THSD7B: variants seen among roughly 807,000 people sequenced by gnomAD.
The protein encoded by THSD7B is thrombospondin type 1 domain containing 7B, also known as thrombospondin type-1 domain-containing protein 7B.
Under a neutral mutation model 213.6 loss-of-function variants are expected in THSD7B, and 138 were observed. The ratio of observed to expected loss-of-function variants is 0.65; its 90% CI spans 0.56 to 0.74. The LOEUF (loss-of-function observed/expected upper bound fraction) is 0.74. Among genes scored for constraint, THSD7B ranks in the 30% least tolerant of loss-of-function variants. The pLI, the probability that THSD7B is intolerant of heterozygous loss-of-function variation, is 0.00. For missense variants in THSD7B, 1,931 were observed against 1,991.5 expected (o/e 0.97, Z 0.58); for synonymous variants, 742 against 687.0 (o/e 1.08, Z -1.25).
chr2:137,546,164 C>T (rs570206709), intron 15 of THSD7B, among the ~76,000 whole-genome samples: 44 of 148,460 alleles, frequency 3.0e-4, no homozygotes, highest in Non-Finnish European at 3.3e-4. Flanking sequence ...AATCTAGACA[C>T]TATACATTAT....
chr2:137,676,769 C>A lies in THSD7B; in HGVS notation c.*164C>A. 1 of 571,678 alleles carries A rather than the reference C, an allele frequency of 1.7e-6. No homozygotes were observed. The highest frequency in any genetic ancestry group is 2.8e-6 in the Non-Finnish European group (1 of 362,878). 35.4% of individuals were successfully genotyped at this position (571,678 alleles called of 1,614,324 possible). On this transcript the variant is annotated 3_prime_UTR_variant, in exon 28 of 28. Coordinates refer to ENST00000409968, the MANE Select transcript of THSD7B (RefSeq NM_001316349.2). Reference sequence around the variant, plus strand: ...CCTCAACTTCATTTGGACATGGAGTCAAGGATTATTAGGTCTGCCATTTTG... The same window carrying A: ...CCTCAACTTCATTTGGACATGGAGTAAAGGATTATTAGGTCTGCCATTTTG...
At chr2:137,542,752 A>G (rs796359852) in intron 15 of THSD7B, among the ~76,000 whole-genome samples, 4 of 151,866 alleles carry the variant, frequency 2.6e-5, no homozygotes, top group African/African-American at 9.6e-5. Flanking sequence ...ACTGACTTAC[A>G]CTTTTTCATT....
At chr2:137,509,353 T>A (rs146350554) in intron 15 of THSD7B, among the ~76,000 whole-genome samples, 3 of 151,540 alleles carry the variant, frequency 2.0e-5, no homozygotes, top group Non-Finnish European at 4.4e-5. Flanking sequence ...TCTTTCTTTC[T>A]CCTTCCTTCC....
At chr2:136,873,703 T>G (rs941959242) in intron 1 of THSD7B, among the ~76,000 whole-genome samples, 1 of 152,116 alleles carries the variant, frequency 6.6e-6, no homozygotes, top group East Asian at 1.9e-4. Context: ...ACAATGACAA[T>G]AGTAATAATG....
At chr2:137,200,441 T>C (rs1487483321) in intron 7 of THSD7B, among the ~76,000 whole-genome samples, 4 of 152,198 alleles carry the variant, frequency 2.6e-5, no homozygotes, top group Admixed American at 2.6e-4. Context: ...AAGTATTTTT[T>C]TTAATGAGTT....
At chr2:137,292,219 C>T (rs1683354246) in intron 12 of THSD7B, among the ~76,000 whole-genome samples, 1 of 152,148 alleles carries the variant, frequency 6.6e-6, no homozygotes, top group South Asian at 2.1e-4. Flanking sequence ...TTGCTAATAA[C>T]ATAAGCTAAT....
rs927247610 is a variant in THSD7B, at chr2:136,845,836, T to C, written c.-35-36308T>C. ...TTATTCCTCATTCCTCATCACAACT[T>C]ATTCCTGAACATTTGGAAACTGAAA... On this transcript the variant is annotated intron_variant, in intron 1 of 27. Transcript: ENST00000409968. Among the ~76,000 whole-genome samples the C allele has an allele frequency of 3.1e-4, 47 of 152,198 alleles. 1 individual carries two copies. The highest frequency in any genetic ancestry group is 3.1e-4 in the Non-Finnish European group (21 of 68,050).
intron 5 of THSD7B, among the ~76,000 whole-genome samples, chr2:137,132,323 C>G (rs1688751255): frequency 6.6e-6 from 1 of 150,708 alleles, no homozygotes; most frequent in Non-Finnish European, 1.5e-5. Context: ...ATGTCGTCTG[C>G]AAACAGGGAC....
intron 2 of THSD7B, among the ~76,000 whole-genome samples, chr2:137,049,353 A>G (rs1481393828): frequency 6.6e-6 from 1 of 152,306 alleles, no homozygotes; most frequent in African/African-American, 2.4e-5. Flanking sequence ...CAAATAATTA[A>G]ATTGCAATTG....
intron 7 of THSD7B, among the ~76,000 whole-genome samples, chr2:137,217,220 C>G (rs1236740407): frequency 6.6e-6 from 1 of 152,176 alleles, no homozygotes; most frequent in African/African-American, 2.4e-5. Context: ...TGCATAAATG[C>G]CTTTTCATAT....
chr2:136,956,675 T>C (rs1003065887), intron 2 of THSD7B, among the ~76,000 whole-genome samples: 1 of 149,662 alleles, frequency 6.7e-6, no homozygotes, highest in East Asian at 2.0e-4. Flanking sequence ...ACTTTAATTT[T>C]TTTTCTTTTC....
intron 2 of THSD7B, among the ~76,000 whole-genome samples, chr2:136,951,693 T>C (rs1469012818): frequency 6.6e-6 from 1 of 152,220 alleles, no homozygotes; most frequent in Non-Finnish European, 1.5e-5. Context: ...ATGATTTTGA[T>C]GGGCTTTTTA....
intron 11 of THSD7B, among the ~76,000 whole-genome samples, chr2:137,274,565 C>T (rs1018105533): frequency 2.6e-5 from 4 of 152,034 alleles, no homozygotes; most frequent in Non-Finnish European, 5.9e-5. Context: ...CATTTAACTT[C>T]TCTGAGCCTG....
intron 27 of THSD7B, among the ~76,000 whole-genome samples, chr2:137,668,312 G>T (rs1267092874): frequency 6.6e-6 from 1 of 151,926 alleles, no homozygotes; most frequent in Non-Finnish European, 1.5e-5. Flanking sequence ...CTTAAATTTT[G>T]TTCTTAAATT....
At chr2:137,429,503 T>A (rs4954512) in intron 14 of THSD7B, among the ~76,000 whole-genome samples, 87,207 of 152,048 alleles carry the variant, frequency 0.57, 27,627 homozygotes, top group East Asian at 0.77. Flanking sequence ...ATTGGCACTA[T>A]GAATTTTGAT....
At chr2:137,235,858 C>T (rs546235975) in intron 9 of THSD7B, among the ~76,000 whole-genome samples, 2 of 152,270 alleles carry the variant, frequency 1.3e-5, no homozygotes, top group African/African-American at 4.8e-5. Context: ...TTGCTAATGA[C>T]TTTCTGTACT....
At chr2:137,408,254 C>A (rs993774932) in intron 13 of THSD7B, among the ~76,000 whole-genome samples, 2 of 152,182 alleles carry the variant, frequency 1.3e-5, no homozygotes, top group Admixed American at 6.5e-5. Context: ...AACTTCTGGT[C>A]ACCTTGTAGA....
chr2:137,095,229 T>A, intron 4 of THSD7B, 108 bp downstream of exon 4: 1 of 1,441,494 alleles, frequency 6.9e-7, no homozygotes. Flanking sequence ...GAGTCTTCAC[T>A]CAGTATACAA....
At chr2:137,349,754 C>T (rs1056690309) in intron 12 of THSD7B, among the ~76,000 whole-genome samples, 6 of 151,648 alleles carry the variant, frequency 4.0e-5, no homozygotes, top group Admixed American at 6.6e-5. Flanking sequence ...TAAATGAGCC[C>T]ATAATTTTTC....
Sources: gnomAD v4.1 joint callset for allele counts (sites outside exome capture counted in the v4.1 genomes callset) on GRCh38, gnomAD v4.1.1 for gene constraint, MANE v1.5 for transcripts, NCBI Gene and HGNC (gene_info 2026-07-23, HGNC 2026-07-21) for gene names.